Variants in TMED6 observed in about 807,000 individuals in gnomAD.
TMED6 encodes the protein transmembrane emp24 domain-containing protein 6.
Under a neutral mutation model 26.5 loss-of-function variants are expected in TMED6, and 17 were observed. The ratio of observed to expected loss-of-function variants is 0.64; its 90% CI spans 0.44 to 0.96. The LOEUF (loss-of-function observed/expected upper bound fraction) is 0.96, where lower values mean the gene tolerates loss of function less well. Ranked by LOEUF, TMED6 falls within the 40% of genes least tolerant of loss-of-function variation. The probability of loss-of-function intolerance (pLI) is 0.00; values close to 1 mark genes in which losing one functional copy is unlikely to be tolerated. For missense variants in TMED6, 309 were observed against 296.5 expected (o/e 1.04, Z -0.31); for synonymous variants, 107 against 106.2 (o/e 1.01, Z -0.04).
intron 3 of TMED6, 80 bp downstream of exon 3, chr16:69,347,708 T>C: frequency 2.5e-6 from 4 of 1,574,038 alleles, no homozygotes; most frequent in Non-Finnish European, 3.5e-6. Flanking sequence ...GTTTGGTTTC[T>C]ACCTAAATGA....
rs775378960 is a variant in TMED6, at chr16:69,347,904, T to G, written c.373A>C (p.Asn125His). Residue 125 changes from asparagine to histidine, a missense_variant, in exon 3 of 4, where the codon AAT becomes CAT. Transcript: ENST00000288025. ...TACACTTGCACAGAACCGAAGTGAT[T>G]ATGCTGATTACTTAGACAAAGCTGA... ...FYQLCLSNQH[N>H]HFGSVQVYLN... 2.6e-5 allele frequency: 42 copies of G among 1,614,030 alleles called. No individual in the cohort carries two copies. The East Asian group carries it at 7.6e-4, about 29-fold the overall frequency.
chr16:69,343,606 T>C lies in TMED6; in HGVS notation c.524A>G (p.His175Arg), dbSNP rs1375835345. ...GGCAAAGTTGTAGTATCGCCACATG[T>C]GAAAGATATTGTTCTGCACCTTTTG... ...GTQKVQNNIF[H>R]MWRYYNFARM... is the part of the protein sequence containing the mutation. The change falls in exon 4 of 4, where the codon CAC becomes CGC. Residue 175 changes from histidine (H) to arginine (R), a missense_variant. Physicochemically the swap from His to Arg is conservative, Grantham distance 29 (BLOSUM62 0). Transcript: ENST00000288025. 5 of 1,614,178 alleles carry C rather than the reference T, an allele frequency of 3.1e-6. No homozygotes were observed. Among genetic ancestry groups the C allele is most frequent in the Non-Finnish European group, 4.2e-6 (5 of 1,180,030 alleles).
At chr16:69,347,107 G>A (rs1359514273) in intron 3 of TMED6, among the ~76,000 whole-genome samples, 1 of 152,164 alleles carries the variant, frequency 6.6e-6, no homozygotes, top group Non-Finnish European at 1.5e-5. Flanking sequence ...TGGGGTAATA[G>A]AATGGAGAAT....
rs976253351 is a variant in TMED6 at position 69,348,994 on chromosome 16, C to A, written c.340+531G>T. Among the ~76,000 whole-genome samples the A allele has an allele frequency of 3.3e-5, 5 of 152,300 alleles. No individual in the cohort carries two copies. In the East Asian group the frequency reaches 5.8e-4, roughly 18 times the overall value. The stretch of plus-strand genomic sequence containing the variant: ...TCTGATGCCCCTGTTGAGAAAATGT[C>A]TTTTTTAGTGCAGCTGGCTATTAAA... On this transcript the variant is annotated intron_variant, in intron 2 of 3. Coordinates refer to ENST00000288025, the MANE Select transcript of TMED6 (RefSeq NM_144676.4).
chr16:69,347,991 G>C, intron 2 of TMED6, 55 bp from the exon 3 acceptor site: 2 of 1,590,734 alleles, frequency 1.3e-6, no homozygotes, highest in Admixed American at 3.4e-5. Context: ...CTTTGTTAAG[G>C]ATTCCCTGGA....
Position 69,343,520 on chromosome 16 carries a change from A to ACCAGTTCAC in TMED6, c.601_609dup (p.Val201_Trp203dup). 6.2e-7 allele frequency: 1 copy of ACCAGTTCAC among 1,614,146 alleles called. No individual in the cohort carries two copies. ...ATAACAAGGCTCTGGGCTGTCGACC[A>ACCAGTTCAC]CCAGTTCACGTAGTTATAGTTTGAT... On this transcript the variant is annotated inframe_insertion, in exon 4 of 4. Coordinates refer to ENST00000288025, the MANE Select transcript of TMED6 (RefSeq NM_144676.4).
chr16:69,346,442 A>C (rs950373064), intron 3 of TMED6, among the ~76,000 whole-genome samples: 1 of 152,222 alleles, frequency 6.6e-6, no homozygotes, highest in African/African-American at 2.4e-5. Context: ...TACAACATGG[A>C]TGAACGTTGA....
At chr16:69,346,538 C>T (rs1048003579) in intron 3 of TMED6, among the ~76,000 whole-genome samples, 1 of 152,050 alleles carries the variant, frequency 6.6e-6, no homozygotes, top group Non-Finnish European at 1.5e-5. Flanking sequence ...CCGAGGCGGG[C>T]CAATCACCTG....
intron 3 of TMED6, among the ~76,000 whole-genome samples, chr16:69,344,127 C>T (rs1279316269): frequency 1.3e-5 from 2 of 152,128 alleles, no homozygotes; most frequent in African/African-American, 2.4e-5. Flanking sequence ...GCCACTGCCC[C>T]GGCCTTTTGT....
chr16:69,345,678 CAAAAAAAAAAAAAAAA>C (rs34468905), intron 3 of TMED6, among the ~76,000 whole-genome samples: 3 of 43,438 alleles, frequency 6.9e-5, no homozygotes, highest in Admixed American at 3.5e-4. Context: ...CTGACTCTCT[CAAAAAAAAAAAAAAAA>C]AAAAAAAAAA....
rs566794255 is a variant in TMED6 at position 69,349,703 on chromosome 16, G to T, written c.214-52C>A. 8.8e-6 allele frequency: 14 copies of T among 1,589,806 alleles called. No individual in the cohort carries two copies. The East Asian group carries it at 1.8e-4, about 21-fold the overall frequency. On this transcript the variant is annotated intron_variant, in intron 1 of 3. Transcript: ENST00000288025. ...AGAACCCCTGCTACATCACGAGGAA[G>T]CCAGCTGAGTGGTAAGATTGACGTC...
At chr16:69,346,937 C>T (rs555144627) in intron 3 of TMED6, among the ~76,000 whole-genome samples, 2 of 152,048 alleles carry the variant, frequency 1.3e-5, no homozygotes, top group Non-Finnish European at 2.9e-5. Flanking sequence ...CTTTGGCAAG[C>T]CGAGGTGGGA....
rs777958937 is a variant in TMED6, at chr16:69,349,601, T to C, written c.264A>G (p.Ala88=). ...CTATGAGAAATCCCTGTGGGTTATG[T>C]GCCGTGGCAGCAACATGCCGGTCAT... ...MSHDRHVAAT[A]HNPQGFLIDT... The change falls in exon 2 of 4, where the codon GCA becomes GCG. Residue 88 remains alanine, a synonymous_variant. Coordinates refer to ENST00000288025, the MANE Select transcript of TMED6 (RefSeq NM_144676.4). 2.5e-6 allele frequency: 4 copies of C among 1,613,896 alleles called. No homozygotes were observed. In the Admixed American group the frequency reaches 5.0e-5, roughly 20 times the overall value.
chr16:69,345,944 G>A (rs1045981765), intron 3 of TMED6, among the ~76,000 whole-genome samples: 1 of 152,182 alleles, frequency 6.6e-6, no homozygotes, highest in African/African-American at 2.4e-5. Flanking sequence ...CTCACAAAGT[G>A]CTGGGATTAC....
Position 69,343,435 on chromosome 16 carries a change from G to T in TMED6, c.695C>A (p.Thr232Asn). The change falls in exon 4 of 4, where the codon ACT (threonine) becomes AAT (asparagine). Residue 232 changes from threonine to asparagine, a missense_variant. By Grantham distance (65) the Thr-to-Asn change is moderately conservative (BLOSUM62 0). Coordinates refer to ENST00000288025, the MANE Select transcript of TMED6 (RefSeq NM_144676.4). ...FLKRLFNVPT[T>N]TDTKKPRC ...GCATCTTGGCTTCTTTGTATCTGTAGTTGTTGGAACATTGAAGAGACGCTT... is the reference window on the plus strand; with the variant it reads ...GCATCTTGGCTTCTTTGTATCTGTATTTGTTGGAACATTGAAGAGACGCTT... The T allele has an allele frequency of 6.2e-7, 1 of 1,614,196 alleles. No homozygotes were observed. Among genetic ancestry groups the T allele is most frequent in the Non-Finnish European group, 8.5e-7 (1 of 1,180,032 alleles).
rs975644624 is a variant in TMED6 at position 69,346,376 on chromosome 16, T to C, written c.489+1412A>G. 3.9e-5 allele frequency among the ~76,000 whole-genome samples: 6 copies of C among 152,302 alleles called. No homozygotes were observed. The East Asian group carries it at 1.2e-3, about 29-fold the overall frequency. ...AACTGATGAATGGATAAATAAAATG[T>C]GTATCCATAAAAGAGAGTATTATTC... On this transcript the variant is annotated intron_variant, in intron 3 of 3. Transcript: ENST00000288025.
Position 69,347,792 on chromosome 16 carries a change from A to C in TMED6, c.485T>G (p.Ile162Ser), listed in dbSNP as rs776359342. 3 of 1,613,852 alleles carry C rather than the reference A, an allele frequency of 1.9e-6. No individual in the cohort carries two copies. The Admixed American group carries it at 5.0e-5, about 27-fold the overall frequency. Reference protein sequence around the residue: ...RKQLNDTLDAIEDGTQKVQNN... With the variant: ...RKQLNDTLDASEDGTQKVQNN... ...TTCCACAAAACACTTCCTTACCTCAATTGCATCCAGAGTATCATTCAGTTG... is the reference window on the plus strand; with the variant it reads ...TTCCACAAAACACTTCCTTACCTCACTTGCATCCAGAGTATCATTCAGTTG... The change falls in exon 3 of 4, where the codon ATT (isoleucine) becomes AGT (serine). Residue 162 changes from isoleucine (I) to serine (S), a missense_variant. By Grantham distance (142) the Ile-to-Ser change is moderately radical. Coordinates refer to ENST00000288025, the MANE Select transcript of TMED6 (RefSeq NM_144676.4).
chr16:69,346,990 A>G lies in TMED6; in HGVS notation c.489+798T>C, dbSNP rs111958226. 3.6e-3 allele frequency among the ~76,000 whole-genome samples: 544 copies of G among 152,238 alleles called. 5 individuals are homozygous for G. Among genetic ancestry groups the G allele is most frequent in the African/African-American group, 0.011 (460 of 41,546 alleles). On this transcript the variant is annotated intron_variant, in intron 3 of 3. Transcript: ENST00000288025. The stretch of plus-strand genomic sequence containing the variant: ...GAGGTTGAGGCTGCAGTGAGCTGTG[A>G]TCAAGCCACTGCACACTGCAGCCTG...
chr16:69,351,780 G>A lies in TMED6; in HGVS notation c.-27C>T, dbSNP rs778235228. ...CCGCTTTCTGGAGCCTCCTCTGCAG[G>A]TGAACTGCTCGCAGCCCAGGGAAAT... On this transcript the variant is annotated 5_prime_UTR_variant, in exon 1 of 4. Transcript: ENST00000288025. The A allele has an allele frequency of 1.9e-6, 3 of 1,605,656 alleles. No homozygotes were observed. Among genetic ancestry groups the A allele is most frequent in the African/African-American group, 1.3e-5 (1 of 74,682 alleles).
Sources: allele counts gnomAD v4.1 joint callset (sites outside exome capture counted in the v4.1 genomes callset), GRCh38; gene constraint gnomAD v4.1.1; transcripts MANE v1.5; gene names NCBI Gene and HGNC (gene_info 2026-07-23, HGNC 2026-07-21).